Variants in ASCC3 observed in about 807,000 individuals in gnomAD.
ASCC3 encodes the protein ASC-1 complex subunit P200.
In ASCC3, 158 loss-of-function variants were observed where a neutral mutation model predicts 256.3. The ratio of observed to expected loss-of-function variants is 0.62; its 90% CI spans 0.54 to 0.70. The LOEUF (loss-of-function observed/expected upper bound fraction) is 0.70. Among genes scored for constraint, ASCC3 ranks in the 30% least tolerant of loss-of-function variants. ASCC3 has a pLI of 0.00. For missense variants in ASCC3, 2,259 were observed against 2,626.0 expected (o/e 0.86, Z 3.05); for synonymous variants, 948 against 883.4 (o/e 1.07, Z -1.30).
chr6:100,587,142 C>T lies in ASCC3; in HGVS notation c.5550+2492G>A, dbSNP rs78390521. Among the ~76,000 whole-genome samples, 34 of 152,168 alleles carry T rather than the reference C, an allele frequency of 2.2e-4. No individual in the cohort carries two copies. In the East Asian group the frequency reaches 6.6e-3, roughly 29 times the overall value. ...ACACTAATGTTATCCCCACAGCTTTCCTCATCTTCTTATGCTATTATCATC... is the reference window on the plus strand; with the variant it reads ...ACACTAATGTTATCCCCACAGCTTTTCTCATCTTCTTATGCTATTATCATC... On this transcript the variant is annotated intron_variant, in intron 36 of 41. Coordinates refer to ENST00000369162, the MANE Select transcript of ASCC3 (RefSeq NM_006828.4).
chr6:100,798,679 C>G (rs376364634), intron 8 of ASCC3, 34 bp downstream of exon 8: 5 of 1,609,850 alleles, frequency 3.1e-6, no homozygotes, highest in Non-Finnish European at 4.2e-6. Context: ...TACCAAGCCT[C>G]AAAACTATCA....
At chr6:100,761,845 T>C (rs932016993) in intron 10 of ASCC3, among the ~76,000 whole-genome samples, 10 of 152,302 alleles carry the variant, frequency 6.6e-5, no homozygotes, top group African/African-American at 2.2e-4. Flanking sequence ...CTTAAGCATA[T>C]AATTTATAGA....
At chr6:100,819,828 C>A (rs542993029) in intron 4 of ASCC3, among the ~76,000 whole-genome samples, 1 of 152,228 alleles carries the variant, frequency 6.6e-6, no homozygotes, top group African/African-American at 2.4e-5. Flanking sequence ...TTTGGCAACA[C>A]CCTCACAGAC....
chr6:100,561,821 T>TA (rs773259237), intron 36 of ASCC3, among the ~76,000 whole-genome samples: 1 of 152,084 alleles, frequency 6.6e-6, no homozygotes, highest in Non-Finnish European at 1.5e-5. Flanking sequence ...AGAAAATACT[T>TA]AAAAAGATGA....
rs1489144484 is a variant in ASCC3 at position 100,662,447 on chromosome 6, A to G, written c.2376T>C (p.Asn792=). The change falls in exon 15 of 42, where the codon AAT becomes AAC. Residue 792 remains asparagine, a synonymous_variant. Transcript: ENST00000369162. ...HHAGMLRQDR[N]LVENLFSNGH... ...CATTAGAAAACAAGTTTTCAACTAAATTTCTGTCCTGCCGAAGCATTCCTG... is the reference window on the plus strand; with the variant it reads ...CATTAGAAAACAAGTTTTCAACTAAGTTTCTGTCCTGCCGAAGCATTCCTG... 6.2e-7 allele frequency: 1 copy of G among 1,613,308 alleles called. No individual in the cohort carries two copies. The highest frequency in any genetic ancestry group is 8.5e-7 in the Non-Finnish European group (1 of 1,179,540).
intron 32 of ASCC3, 121 bp from the exon 33 acceptor site, chr6:100,605,821 T>C: frequency 3.6e-6 from 4 of 1,124,664 alleles, no homozygotes; most frequent in Non-Finnish European, 5.2e-6. Flanking sequence ...ATTGTGATAA[T>C]ATGTTTGCTA....
chr6:100,532,585 A>T (rs1489429901), intron 37 of ASCC3, among the ~76,000 whole-genome samples: 1 of 151,730 alleles, frequency 6.6e-6, no homozygotes, highest in African/African-American at 2.4e-5. Flanking sequence ...GTCTTTTGAT[A>T]AGAGCAGATT....
chr6:100,710,422 A>G (rs1435097644), intron 13 of ASCC3, among the ~76,000 whole-genome samples: 1 of 152,096 alleles, frequency 6.6e-6, no homozygotes, highest in Non-Finnish European at 1.5e-5. Flanking sequence ...ATGCACAACT[A>G]CTGTGAAACT....
intron 13 of ASCC3, among the ~76,000 whole-genome samples, chr6:100,714,810 G>A (rs1042645079): frequency 2.0e-5 from 3 of 152,010 alleles, no homozygotes; most frequent in Admixed American, 1.3e-4. Flanking sequence ...TGTTTAAGGA[G>A]GCAGTGTCCC....
At chr6:100,517,931 A>G in intron 38 of ASCC3, 60 bp downstream of exon 38, 1 of 1,557,606 alleles carries the variant, frequency 6.4e-7, no homozygotes, top group Non-Finnish European at 8.8e-7. Flanking sequence ...GACTACATAT[A>G]TAAAAAATAT....
chr6:100,635,049 G>C (rs1417935329), intron 25 of ASCC3, among the ~76,000 whole-genome samples: 2 of 151,720 alleles, frequency 1.3e-5, no homozygotes, highest in Non-Finnish European at 2.9e-5. Context: ...CCCACTTTTG[G>C]GTATATATCC....
intron 39 of ASCC3, among the ~76,000 whole-genome samples, chr6:100,514,919 G>C (rs1773944942): frequency 1.3e-5 from 2 of 152,138 alleles, no homozygotes; most frequent in Admixed American, 6.6e-5. Context: ...TTCAGGATTT[G>C]TATGTTACCT....
At chr6:100,805,258 G>A (rs576196733) in intron 5 of ASCC3, among the ~76,000 whole-genome samples, 10 of 152,106 alleles carry the variant, frequency 6.6e-5, no homozygotes, top group East Asian at 1.9e-4. Flanking sequence ...GCGAATTAAC[G>A]TAGAAAACCA....
At chr6:100,617,001 T>C (rs891482306) in intron 30 of ASCC3, among the ~76,000 whole-genome samples, 2 of 151,918 alleles carry the variant, frequency 1.3e-5, no homozygotes, top group African/African-American at 4.8e-5. Context: ...TCGTTGTTGT[T>C]GTTGTTGTTG....
intron 1 of ASCC3, among the ~76,000 whole-genome samples, chr6:100,871,897 A>T (rs1223571431): frequency 1.3e-5 from 2 of 152,250 alleles, no homozygotes; most frequent in African/African-American, 4.8e-5. Context: ...GTATGTTTGT[A>T]CACAGTACAC....
chr6:100,613,586 G>T (rs771617727), intron 30 of ASCC3, among the ~76,000 whole-genome samples: 3 of 152,040 alleles, frequency 2.0e-5, no homozygotes, highest in Non-Finnish European at 4.4e-5. Context: ...TTTACTGATG[G>T]ATACTTAGGT....
chr6:100,611,961 G>C (rs1773422278), intron 30 of ASCC3, among the ~76,000 whole-genome samples: 2 of 151,534 alleles, frequency 1.3e-5, no homozygotes. Flanking sequence ...TAATGTATAG[G>C]TGTCTTTCCA....
chr6:100,581,102 T>A (rs1003239165), intron 36 of ASCC3, among the ~76,000 whole-genome samples: 3 of 152,274 alleles, frequency 2.0e-5, no homozygotes, highest in African/African-American at 7.2e-5. Flanking sequence ...TACCCAGTAA[T>A]GGGATGGCTG....
chr6:100,513,387 A>C (rs1283148040), intron 39 of ASCC3, among the ~76,000 whole-genome samples: 1 of 152,192 alleles, frequency 6.6e-6, no homozygotes, highest in African/African-American at 2.4e-5. Context: ...CTGTTATCGA[A>C]CTGGTTTGTT....
Sources: allele counts gnomAD v4.1 joint callset (sites outside exome capture counted in the v4.1 genomes callset), GRCh38; gene constraint gnomAD v4.1.1; transcripts MANE v1.5; gene names NCBI Gene and HGNC (gene_info 2026-07-23, HGNC 2026-07-21).